The following SLC24A4 variants were observed in gnomAD, a reference collection of about 807,000 sequenced individuals.
SLC24A4 encodes solute carrier family 24 member 4.
SLC24A4 carries 53 observed loss-of-function variants against 79.0 expected under a neutral mutation model. The observed-to-expected ratio is 0.67, with a 90% CI of 0.54 to 0.84. The LOEUF (loss-of-function observed/expected upper bound fraction) is 0.84, where lower values mean the gene tolerates loss of function less well. Among genes scored for constraint, SLC24A4 ranks in the 40% least tolerant of loss-of-function variants. The pLI is 0.00. For synonymous variants in SLC24A4, 323 were observed against 323.8 expected, an observed-to-expected ratio of 1.00 and a Z score of 0.03; for missense variants, 731 against 822.0, an observed-to-expected ratio of 0.89 and a Z score of 1.35.
At chr14:92,370,867 G>C (rs1021151963) in intron 2 of SLC24A4, among the ~76,000 whole-genome samples, 1 of 152,152 alleles carries the variant, frequency 6.6e-6, no homozygotes, top group Non-Finnish European at 1.5e-5. Context: ...CACATACAAA[G>C]GATCTAGAAC....
At chr14:92,437,594 C>T (rs1892245905) in intron 3 of SLC24A4, among the ~76,000 whole-genome samples, 1 of 152,206 alleles carries the variant, frequency 6.6e-6, no homozygotes, top group Non-Finnish European at 1.5e-5. Flanking sequence ...AGTTCCAGAA[C>T]CAGCCTTAGA....
chr14:92,467,885 C>T (rs1343416219), intron 12 of SLC24A4, among the ~76,000 whole-genome samples: 2 of 152,218 alleles, frequency 1.3e-5, no homozygotes, highest in Non-Finnish European at 2.9e-5. Context: ...CAGCATCCCC[C>T]AGCCCTGCTG....
intron 2 of SLC24A4, among the ~76,000 whole-genome samples, chr14:92,387,248 C>T (rs2141725631): frequency 6.6e-6 from 1 of 151,610 alleles, no homozygotes; most frequent in South Asian, 2.1e-4. Flanking sequence ...GAGATCTCGG[C>T]TCACTGCAGC....
intron 2 of SLC24A4, among the ~76,000 whole-genome samples, chr14:92,391,638 T>A (rs1834129205): frequency 6.6e-6 from 1 of 152,198 alleles, no homozygotes; most frequent in African/African-American, 2.4e-5. Flanking sequence ...CCCCATTGAG[T>A]CCCTGCCTGG....
At chr14:92,450,422 C>T (rs78390270) in intron 10 of SLC24A4, 339 of 152,454 alleles carry the variant, frequency 2.2e-3, no homozygotes, top group Non-Finnish European at 3.5e-3. Context: ...GCCAGGGTGG[C>T]GGGGTGCGGT....
chr14:92,415,919 C>T (rs1890957703), intron 2 of SLC24A4, among the ~76,000 whole-genome samples: 1 of 152,216 alleles, frequency 6.6e-6, no homozygotes, highest in Non-Finnish European at 1.5e-5. Flanking sequence ...TCCCTCACTC[C>T]TTTCCCACTT....
chr14:92,381,283 G>T (rs1888831443), intron 2 of SLC24A4, among the ~76,000 whole-genome samples: 1 of 152,162 alleles, frequency 6.6e-6, no homozygotes, highest in Admixed American at 6.5e-5. Flanking sequence ...CCTTTGCAGG[G>T]ACATGGATGA....
chr14:92,367,606 G>A (rs1008212596), intron 2 of SLC24A4, among the ~76,000 whole-genome samples: 6 of 152,228 alleles, frequency 3.9e-5, no homozygotes, highest in African/African-American at 1.4e-4. Flanking sequence ...ACAAGAAACA[G>A]AGCTGGAAAA....
chr14:92,408,560 G>T, intron 2 of SLC24A4: 1 of 311,868 alleles, frequency 3.2e-6, no homozygotes, highest in East Asian at 1.7e-4. Context: ...TTGGGGATGG[G>T]TTCTGGCTGT....
chr14:92,359,185 G>T (rs1412503715), intron 2 of SLC24A4, among the ~76,000 whole-genome samples: 1 of 152,172 alleles, frequency 6.6e-6, no homozygotes, highest in East Asian at 1.9e-4. Flanking sequence ...GGCTTACCTA[G>T]TCTAGTTGAA....
chr14:92,381,127 C>T (rs1462873215), intron 2 of SLC24A4, among the ~76,000 whole-genome samples: 1 of 152,210 alleles, frequency 6.6e-6, no homozygotes, highest in Non-Finnish European at 1.5e-5. Flanking sequence ...AAGACACATG[C>T]ACACATATGT....
intron 2 of SLC24A4, among the ~76,000 whole-genome samples, chr14:92,423,798 G>A (rs1891419220): frequency 6.6e-6 from 1 of 152,192 alleles, no homozygotes; most frequent in African/African-American, 2.4e-5. Context: ...GTTGGCATGA[G>A]GCAGCCAACT....
intron 2 of SLC24A4, among the ~76,000 whole-genome samples, chr14:92,420,916 C>T (rs927648797): frequency 2.0e-5 from 3 of 152,054 alleles, no homozygotes; most frequent in South Asian, 2.1e-4. Context: ...CCTGGGATGC[C>T]GAGTGCCTGT....
chr14:92,433,102 G>A (rs899005793), intron 2 of SLC24A4, among the ~76,000 whole-genome samples: 2 of 152,236 alleles, frequency 1.3e-5, no homozygotes, highest in Non-Finnish European at 2.9e-5. Context: ...CCAGGGAAGT[G>A]TGGATCCTTG....
intron 2 of SLC24A4, among the ~76,000 whole-genome samples, chr14:92,396,622 C>G (rs1889794842): frequency 6.6e-6 from 1 of 152,216 alleles, no homozygotes; most frequent in Non-Finnish European, 1.5e-5. Context: ...TCAAAACACA[C>G]CTGCTGCTGC....
intron 2 of SLC24A4, among the ~76,000 whole-genome samples, chr14:92,396,772 C>T (rs1368299518): frequency 6.6e-6 from 1 of 152,086 alleles, no homozygotes; most frequent in Non-Finnish European, 1.5e-5. Context: ...TTTGGTAGTC[C>T]GCATCCTTTT....
chr14:92,484,149 C>G, intron 13 of SLC24A4: 4 of 985,308 alleles, frequency 4.1e-6, no homozygotes, highest in Admixed American at 6.1e-5. Flanking sequence ...CCTGTCTCTT[C>G]CCTCCCCCCA....
intron 2 of SLC24A4, among the ~76,000 whole-genome samples, chr14:92,370,178 C>G (rs534287620): frequency 6.6e-6 from 1 of 152,086 alleles, no homozygotes; most frequent in African/African-American, 2.4e-5. Flanking sequence ...AAAAGAGAGC[C>G]CATAGAATTT....
At chr14:92,384,010 T>C (rs1889004614) in intron 2 of SLC24A4, among the ~76,000 whole-genome samples, 1 of 152,194 alleles carries the variant, frequency 6.6e-6, no homozygotes, top group Non-Finnish European at 1.5e-5. Flanking sequence ...ACTTAATGAC[T>C]CCAGCTTGAC....
Sources: gnomAD v4.1 joint callset for allele counts (sites outside exome capture counted in the v4.1 genomes callset) on GRCh38, gnomAD v4.1.1 for gene constraint, MANE v1.5 for transcripts, NCBI Gene and HGNC (gene_info 2026-07-23, HGNC 2026-07-21) for gene names.